GRIN2A: variants seen among roughly 807,000 people sequenced by gnomAD.
GRIN2A encodes the protein glutamate ionotropic receptor NMDA type subunit 2A.
Under a neutral mutation model 113.4 loss-of-function variants are expected in GRIN2A, and 22 were observed. The observed-to-expected ratio is 0.19, with a 90% confidence interval of 0.14 to 0.28. The LOEUF (loss-of-function observed/expected upper bound fraction) is 0.28, where lower values mean the gene tolerates loss of function less well. Ranked by LOEUF, GRIN2A falls within the 10% of genes least tolerant of loss-of-function variation. The probability of loss-of-function intolerance (pLI) is 1.00; values close to 1 mark genes in which losing one functional copy is unlikely to be tolerated. For synonymous variants in GRIN2A, 827 were observed against 738.4 expected (o/e 1.12, Z -1.94); for missense variants, 1,502 against 1,887.0 (o/e 0.80, Z 3.78).
rs181205807 is a variant in GRIN2A at position 9,828,767 on chromosome 16, T to C, written c.2007+656A>G. Among the ~76,000 whole-genome samples the C allele has an allele frequency of 2.5e-3, 385 of 152,250 alleles. 5 individuals are homozygous for C. Among genetic ancestry groups the C allele is most frequent in the African/African-American group, 8.9e-3 (369 of 41,534 alleles). On this transcript the variant is annotated intron_variant, in intron 9 of 12. Transcript: ENST00000330684. ...GGTGTTTTTACTCCTGTCTTACTGA[T>C]GTGGGAAGTACAGCCCTATAAGGGA...
intron 2 of GRIN2A, among the ~76,000 whole-genome samples, chr16:10,094,214 A>G (rs2048240313): frequency 1.3e-5 from 2 of 152,180 alleles, no homozygotes. Context: ...AATCAACAAG[A>G]CACTTGCAAA....
intron 7 of GRIN2A, among the ~76,000 whole-genome samples, chr16:9,840,079 C>A (rs1285665677): frequency 6.6e-6 from 1 of 152,180 alleles, no homozygotes; most frequent in African/African-American, 2.4e-5. Flanking sequence ...GATCATAACA[C>A]TGCACTCAAG....
chr16:9,997,936 C>A (rs756140472), intron 2 of GRIN2A, among the ~76,000 whole-genome samples: 7 of 152,168 alleles, frequency 4.6e-5, no homozygotes, highest in Admixed American at 1.3e-4. Context: ...GTCCATTAAA[C>A]CTCTTTTTCT....
chr16:10,050,139 T>C (rs2047332603), intron 2 of GRIN2A, among the ~76,000 whole-genome samples: 1 of 152,174 alleles, frequency 6.6e-6, no homozygotes, highest in Admixed American at 6.5e-5. Flanking sequence ...TTTGGCCCAA[T>C]GTAATCAGAA....
chr16:9,811,716 G>A (rs1474277683), intron 10 of GRIN2A, among the ~76,000 whole-genome samples: 1 of 152,150 alleles, frequency 6.6e-6, no homozygotes, highest in Non-Finnish European at 1.5e-5. Context: ...CCAAGATCTC[G>A]TGACTGCACT....
intron 3 of GRIN2A, among the ~76,000 whole-genome samples, chr16:9,935,054 G>T (rs1055885419): frequency 6.6e-6 from 1 of 152,068 alleles, no homozygotes; most frequent in Non-Finnish European, 1.5e-5. Flanking sequence ...CACAGCAGCA[G>T]AATTTTTTAA....
At chr16:10,012,055 G>A (rs1276224126) in intron 2 of GRIN2A, among the ~76,000 whole-genome samples, 2 of 151,798 alleles carry the variant, frequency 1.3e-5, no homozygotes, top group African/African-American at 2.4e-5. Context: ...GTGATACTTG[G>A]AAATGATTTT....
intron 2 of GRIN2A, among the ~76,000 whole-genome samples, chr16:10,145,703 C>A (rs953704786): frequency 1.2e-4 from 19 of 152,068 alleles, no homozygotes; most frequent in African/African-American, 4.6e-4. Flanking sequence ...CTGTAAAGGG[C>A]CAGATAGTAA....
chr16:10,107,033 T>C (rs1465766438), intron 2 of GRIN2A, among the ~76,000 whole-genome samples: 2 of 152,140 alleles, frequency 1.3e-5, no homozygotes, highest in African/African-American at 2.4e-5. Context: ...TCAGCTGGCT[T>C]TGAATTCAGA....
At chr16:9,919,973 A>C (rs2044327788) in intron 3 of GRIN2A, among the ~76,000 whole-genome samples, 1 of 152,210 alleles carries the variant, frequency 6.6e-6, no homozygotes, top group African/African-American at 2.4e-5. Flanking sequence ...ATTCTGTCTA[A>C]AATAACCATC....
chr16:9,853,564 T>C (rs1472409358), intron 4 of GRIN2A, among the ~76,000 whole-genome samples: 1 of 152,148 alleles, frequency 6.6e-6, no homozygotes, highest in Non-Finnish European at 1.5e-5. Flanking sequence ...GTTTCTGTGG[T>C]TTATAAGCCA....
intron 2 of GRIN2A, among the ~76,000 whole-genome samples, chr16:9,976,214 C>T (rs1348803375): frequency 1.3e-5 from 2 of 152,150 alleles, no homozygotes; most frequent in Non-Finnish European, 2.9e-5. Flanking sequence ...TAAAGCAAAC[C>T]ATATCATTAA....
intron 7 of GRIN2A, among the ~76,000 whole-genome samples, chr16:9,835,549 C>T (rs181026965): frequency 5.3e-5 from 8 of 152,280 alleles, no homozygotes; most frequent in African/African-American, 1.9e-4. Context: ...TACATCTCCA[C>T]CTGAATGTAT....
chr16:10,182,758 G>C (rs936478881), upstream of GRIN2A: 1 of 152,454 alleles, frequency 6.6e-6, no homozygotes, highest in African/African-American at 2.4e-5. Flanking sequence ...CCATGATCCG[G>C]CCAAGCCCTA....
chr16:10,014,407 G>A (rs552921043), intron 2 of GRIN2A, among the ~76,000 whole-genome samples: 50 of 152,200 alleles, frequency 3.3e-4, no homozygotes, highest in Non-Finnish European at 6.6e-4. Flanking sequence ...CTTTTCTCCT[G>A]GCCTTATAAA....
Position 9,829,411 on chromosome 16 carries a change from A to T in GRIN2A, c.2007+12T>A. 6.3e-7 allele frequency: 1 copy of T among 1,578,158 alleles called. No individual in the cohort carries two copies. The highest frequency in any genetic ancestry group is 8.7e-7 in the Non-Finnish European group (1 of 1,147,740). ...CAACCCTCAGATGGAGAGGAAAGCAAGGTGACCTTACCTTTTTGTCACTGA... is the reference window on the plus strand; with the variant it reads ...CAACCCTCAGATGGAGAGGAAAGCATGGTGACCTTACCTTTTTGTCACTGA... On this transcript the variant is annotated intron_variant, in intron 9 of 12. Coordinates refer to ENST00000330684, the MANE Select transcript of GRIN2A (RefSeq NM_001134407.3).
At chr16:9,883,521 TC>T (rs2043526073) in intron 4 of GRIN2A, among the ~76,000 whole-genome samples, 1 of 152,072 alleles carries the variant, frequency 6.6e-6, no homozygotes, top group Admixed American at 6.5e-5. Context: ...GGAAAGGGTG[TC>T]CTTAGCAAAG....
chr16:9,798,110 C>T (rs957367841), intron 11 of GRIN2A, among the ~76,000 whole-genome samples, 167 bp downstream of exon 11: 3 of 152,138 alleles, frequency 2.0e-5, no homozygotes, highest in Non-Finnish European at 2.9e-5. Context: ...GAATTGCTTT[C>T]CATTATAAGC....
chr16:10,057,185 C>A (rs1486992127), intron 2 of GRIN2A, among the ~76,000 whole-genome samples: 1 of 152,176 alleles, frequency 6.6e-6, no homozygotes, highest in East Asian at 1.9e-4. Flanking sequence ...GCTAAGTGTA[C>A]AATGGCGACA....
Sources: allele counts gnomAD v4.1 joint callset (sites outside exome capture counted in the v4.1 genomes callset), GRCh38; gene constraint gnomAD v4.1.1; transcripts MANE v1.5; gene names NCBI Gene and HGNC (gene_info 2026-07-23, HGNC 2026-07-21).